The following MDN1 variants were observed in gnomAD, a reference collection of about 807,000 sequenced individuals.
The protein encoded by MDN1 is midasin.
A neutral mutation model predicts 669.2 loss-of-function variants in MDN1; 266 were observed. The observed-to-expected ratio is 0.40, with a 90% CI of 0.36 to 0.44. The LOEUF (loss-of-function observed/expected upper bound fraction) is 0.44, where lower values mean the gene tolerates loss of function less well. Ranked by LOEUF, MDN1 falls within the 20% of genes least tolerant of loss-of-function variation. The pLI is 1.00. For missense variants in MDN1, 5,940 were observed against 6,754.0 expected, an observed-to-expected ratio of 0.88 and a Z score of 4.22; for synonymous variants, 2,385 against 2,457.1, an observed-to-expected ratio of 0.97 and a Z score of 0.87.
chr6:89,785,359 A>G (rs190076350), intron 8 of MDN1, among the ~76,000 whole-genome samples: 10 of 152,316 alleles, frequency 6.6e-5, no homozygotes, highest in Admixed American at 4.6e-4. Flanking sequence ...TTAACCAAAT[A>G]TTTTCAAATC....
At chr6:89,814,108 C>A (rs574108421) in intron 1 of MDN1, among the ~76,000 whole-genome samples, 56 of 151,810 alleles carry the variant, frequency 3.7e-4, no homozygotes, top group Non-Finnish European at 6.0e-4. Flanking sequence ...AATTCTAAGC[C>A]CCCCCAACCA....
rs1175036268 is a variant in MDN1 at position 89,652,174 on chromosome 6, CAGTG to C, written c.15915+14_15915+17del. 6.3e-7 allele frequency: 1 copy of C among 1,597,934 alleles called. No individual in the cohort carries two copies. Among genetic ancestry groups the C allele is most frequent in the African/African-American group, 1.4e-5 (1 of 73,848 alleles). On this transcript the variant is annotated intron_variant, in intron 95 of 101. Transcript: ENST00000369393. Reference sequence around the variant, plus strand: ...AAGTCGAGATATTTTATGAAAAAAACAGTGAGCAGTGACTTACCTCCTCTGGGTT... The same window carrying C: ...AAGTCGAGATATTTTATGAAAAAAACAGCAGTGACTTACCTCCTCTGGGTT...
At position 89,761,681 on chromosome 6, in the gene MDN1, T is replaced by C; in HGVS notation, c.2424A>G (p.Lys808=). 6.2e-7 allele frequency: 1 copy of C among 1,612,524 alleles called. No homozygotes were observed. Among genetic ancestry groups the C allele is most frequent in the South Asian group, 1.1e-5 (1 of 90,750 alleles). The part of the protein sequence containing the change: ...LRLNHAQQQM[K]MTENTLLFAF... ...CGAACAATAAGGTATTTTCAGTCAT[T>C]TTCATCTGTTGTTGGGCATGGTTGA... is the stretch of plus-strand genomic sequence containing the variant. The change falls in exon 17 of 102, where the codon AAA becomes AAG. Residue 808 remains lysine, a synonymous_variant. Coordinates refer to ENST00000369393, the MANE Select transcript of MDN1 (RefSeq NM_014611.3).
At position 89,776,688 on chromosome 6, in the gene MDN1, T is replaced by C. The variant is rs919269114; in HGVS notation, c.1733A>G (p.Asp578Gly). Reference protein sequence around the residue: ...ASLNIFQEALDCFTAMLSEHT... With the variant: ...ASLNIFQEALGCFTAMLSEHT... Reference sequence around the variant, plus strand: ...CTCAGAAAGCATTGCTGTGAAACAGTCTAGAGCCTATTAAAATAACCAAGG... The same window carrying C: ...CTCAGAAAGCATTGCTGTGAAACAGCCTAGAGCCTATTAAAATAACCAAGG... Residue 578 changes from aspartate to glycine, a missense_variant, in exon 12 of 102, where the codon GAC (aspartate) becomes GGC (glycine). Asp to Gly is a moderately conservative substitution (Grantham distance 94). Coordinates refer to ENST00000369393, the MANE Select transcript of MDN1 (RefSeq NM_014611.3). 6.9e-6 allele frequency: 11 copies of C among 1,588,538 alleles called. No homozygotes were observed. Among genetic ancestry groups the C allele is most frequent in the Non-Finnish European group, 9.4e-6 (11 of 1,168,284 alleles).
At chr6:89,818,015 A>T (rs1768958916) in intron 1 of MDN1, among the ~76,000 whole-genome samples, 1 of 152,082 alleles carries the variant, frequency 6.6e-6, no homozygotes, top group African/African-American at 2.4e-5. Flanking sequence ...GGCTTGAGAT[A>T]CATCAAAAAA....
intron 77 of MDN1, 120 bp from the exon 78 acceptor site, chr6:89,675,699 T>C (rs1232218373): frequency 5.4e-6 from 4 of 735,498 alleles, no homozygotes; most frequent in South Asian, 1.8e-5. Flanking sequence ...AGGTGACATA[T>C]TCATTTTTTT....
At chr6:89,758,228 G>T in intron 19 of MDN1, 27 bp downstream of exon 19, 1 of 1,565,304 alleles carries the variant, frequency 6.4e-7, no homozygotes, top group African/African-American at 1.3e-5. Context: ...TGCAAAAAAG[G>T]AAAGTCTCCA....
chr6:89,815,241 G>A, intron 1 of MDN1: 1 of 418,886 alleles, frequency 2.4e-6, no homozygotes. Flanking sequence ...CTCCTTGACA[G>A]AGCTCCTCTG....
intron 38 of MDN1, among the ~76,000 whole-genome samples, chr6:89,724,015 C>T (rs1470560032): frequency 6.6e-6 from 1 of 151,970 alleles, no homozygotes; most frequent in African/African-American, 2.4e-5. Flanking sequence ...TAGTGGCATG[C>T]GCCTGTAGTC....
intron 31 of MDN1, 128 bp downstream of exon 31, chr6:89,743,021 AC>A: frequency 9.0e-7 from 1 of 1,115,028 alleles, no homozygotes; most frequent in Non-Finnish European, 1.3e-6. Flanking sequence ...GTTTGAGGCT[AC>A]AGTGAACTAT....
intron 1 of MDN1, 97 bp downstream of exon 1, chr6:89,819,409 C>A: frequency 2.6e-6 from 3 of 1,166,280 alleles, no homozygotes; most frequent in Non-Finnish European, 3.8e-6. Context: ...GCACCACTCC[C>A]CACTTAAAGC....
chr6:89,748,338 A>G (rs572829353), intron 26 of MDN1, among the ~76,000 whole-genome samples: 1 of 152,318 alleles, frequency 6.6e-6, no homozygotes, highest in African/African-American at 2.4e-5. Flanking sequence ...AAACAAACAA[A>G]AAGTAATGCA....
At chr6:89,677,543 G>GA (rs1584161111) in intron 76 of MDN1, 27 bp downstream of exon 76, 2 of 1,612,172 alleles carry the variant, frequency 1.2e-6, no homozygotes, top group Non-Finnish European at 1.7e-6. Flanking sequence ...TATAAGTAGG[G>GA]AAAAAACAAA....
chr6:89,652,380 A>ATACTG, intron 94 of MDN1, 99 bp from the exon 95 acceptor site: 2 of 838,756 alleles, frequency 2.4e-6, no homozygotes, highest in African/African-American at 1.7e-5. Context: ...CTCAAAGTAC[A>ATACTG]TAGTCAAATG....
intron 27 of MDN1, among the ~76,000 whole-genome samples, chr6:89,746,117 T>G (rs922256113): frequency 6.6e-6 from 1 of 152,128 alleles, no homozygotes; most frequent in Non-Finnish European, 1.5e-5. Flanking sequence ...ACAGGCAAAA[T>G]GCTGTTCAAT....
Position 89,754,049 on chromosome 6 carries a change from A to T in MDN1, c.2964+34T>A, listed in dbSNP as rs200197810. 1.6e-4 allele frequency: 255 copies of T among 1,597,730 alleles called. 2 individuals carry two copies. In the East Asian group the frequency reaches 5.6e-3, roughly 35 times the overall value. On this transcript the variant is annotated intron_variant, in intron 21 of 101. Coordinates refer to ENST00000369393, the MANE Select transcript of MDN1 (RefSeq NM_014611.3). Reference sequence around the variant, plus strand: ...TTCCTTCCCATGAACCCATCCATTAAGCTCATATCCAGTCAAAGAGACTTC... The same window carrying T: ...TTCCTTCCCATGAACCCATCCATTATGCTCATATCCAGTCAAAGAGACTTC...
At chr6:89,682,451 G>A (rs1421033463) in intron 73 of MDN1, among the ~76,000 whole-genome samples, 1 of 152,148 alleles carries the variant, frequency 6.6e-6, no homozygotes, top group Non-Finnish European at 1.5e-5. Context: ...GCTCCCGCCT[G>A]TAATCCGAGC....
At chr6:89,767,938 G>A (rs376171303) in intron 15 of MDN1, among the ~76,000 whole-genome samples, 5 of 151,988 alleles carry the variant, frequency 3.3e-5, no homozygotes, top group East Asian at 3.9e-4. Flanking sequence ...CTACTCAGGA[G>A]GGCCTAGGTG....
chr6:89,811,898 A>G (rs1768441612), intron 1 of MDN1, among the ~76,000 whole-genome samples: 1 of 152,188 alleles, frequency 6.6e-6, no homozygotes, highest in African/African-American at 2.4e-5. Flanking sequence ...CATTCTGTGA[A>G]GCTTAAATGG....
Sources: allele counts gnomAD v4.1 joint callset (sites outside exome capture counted in the v4.1 genomes callset), GRCh38; gene constraint gnomAD v4.1.1; transcripts MANE v1.5; gene names NCBI Gene and HGNC (gene_info 2026-07-23, HGNC 2026-07-21).